APOBEC4: variants seen among roughly 807,000 people sequenced by gnomAD.
APOBEC4 encodes the protein putative deaminase APOBEC-4.
For synonymous variants in APOBEC4, 141 were observed against 154.2 expected, an observed-to-expected ratio of 0.91 and a Z score of 0.63; for missense variants, 375 against 441.2, an observed-to-expected ratio of 0.85 and a Z score of 1.34.
In APOBEC4 at chr1:183,648,228, A is replaced by G. The variant is rs1650452215; in HGVS notation, c.554T>C (p.Val185Ala). 6.2e-7 allele frequency: 1 copy of G among 1,614,218 alleles called. No homozygotes were observed. The highest frequency in any genetic ancestry group is 8.5e-7 in the Non-Finnish European group (1 of 1,180,026). ...RSLASLWPRV[V>A]LSPISGGIWH... ...GATCCCACCACTTATTGGACTCAAA[A>G]CAACCCGCGGCCATAAGCTGGCCAG... Residue 185 changes from valine to alanine, a missense_variant, in exon 2 of 2, where the codon GTT (valine) becomes GCT (alanine). By Grantham distance (64) the Val-to-Ala change is moderately conservative. Coordinates refer to ENST00000308641, the MANE Select transcript of APOBEC4 (RefSeq NM_203454.3).
Position 183,647,917 on chromosome 1 carries a change from C to T in APOBEC4, c.865G>A (p.Ala289Thr), listed in dbSNP as rs1206308615. ...GGCACTAGCACAAAAACAACAGGAG[C>T]CCTGAGGTCTGGAGGTAGGTTGGGT... ...LQPNLPPDLR[A>T]PVVFVLVPLR... Residue 289 changes from alanine (A) to threonine (T), a missense_variant, in exon 2 of 2, where the codon GCT becomes ACT. Ala to Thr is a moderately conservative substitution (Grantham distance 58). Coordinates refer to ENST00000308641, the MANE Select transcript of APOBEC4 (RefSeq NM_203454.3). The T allele has an allele frequency of 6.2e-7, 1 of 1,614,134 alleles. No homozygotes were observed. The highest frequency in any genetic ancestry group is 1.1e-5 in the South Asian group (1 of 91,082).
chr1:183,652,636 G>A (rs1399463099), intron 1 of APOBEC4, among the ~76,000 whole-genome samples: 2 of 152,190 alleles, frequency 1.3e-5, no homozygotes, highest in African/African-American at 2.4e-5. Context: ...TTTAGGCCCA[G>A]GACCTACCTT....
chr1:183,647,422 C>A lies in APOBEC4; in HGVS notation c.*256G>T. ...TTTTCTGCATCAAAATATTAGCAAGCTGCTAATGGTTCCATTTTGATACTG... is the reference window on the plus strand; with the variant it reads ...TTTTCTGCATCAAAATATTAGCAAGATGCTAATGGTTCCATTTTGATACTG... On this transcript the variant is annotated 3_prime_UTR_variant, in exon 2 of 2. Coordinates refer to ENST00000308641, the MANE Select transcript of APOBEC4 (RefSeq NM_203454.3). The A allele has an allele frequency of 3.0e-6, 1 of 330,776 alleles. No homozygotes were observed. The allele number at this position is 330,776 out of a possible 1,614,324, so 20.5% of individuals were successfully genotyped here. A position where few individuals can be genotyped will look rare whatever the true frequency, so the allele number is the denominator to read the frequency against.
Position 183,648,441 on chromosome 1 carries a change from C to T in APOBEC4, c.341G>A (p.Ser114Asn). 6.2e-7 allele frequency: 1 copy of T among 1,614,158 alleles called. No homozygotes were observed. The highest frequency in any genetic ancestry group is 1.3e-5 in the African/African-American group (1 of 75,032). ...YLDSAIYNND[S>N]IRHIILYSNN... ...GGAATACAGAATGATATGCCTGATGCTGTCATTATTGTATATGGCTGAGTC... is the reference window on the plus strand; with the variant it reads ...GGAATACAGAATGATATGCCTGATGTTGTCATTATTGTATATGGCTGAGTC... Residue 114 changes from serine (S) to asparagine (N), a missense_variant, in exon 2 of 2, where the codon AGC (serine) becomes AAC (asparagine). Transcript: ENST00000308641.
intron 1 of APOBEC4, among the ~76,000 whole-genome samples, chr1:183,650,415 C>G (rs763402310): frequency 1.3e-5 from 2 of 151,974 alleles, no homozygotes; most frequent in African/African-American, 4.8e-5. Context: ...TGGTGGCATG[C>G]GCCTGTAGTC....
intron 1 of APOBEC4, among the ~76,000 whole-genome samples, chr1:183,651,849 C>T (rs1430790776): frequency 1.3e-5 from 2 of 152,200 alleles, no homozygotes; most frequent in African/African-American, 2.4e-5. Context: ...TGCTTACTCC[C>T]GAGCATTGTT....
chr1:183,647,223 C>T lies in APOBEC4; in HGVS notation c.*455G>A, dbSNP rs532284107. The T allele has an allele frequency of 6.5e-5, 10 of 153,750 alleles. No individual in the cohort carries two copies. Among genetic ancestry groups the T allele is most frequent in the Non-Finnish European group, 1.3e-4 (9 of 69,006 alleles). 9.5% of individuals were successfully genotyped at this position (153,750 alleles called of 1,614,324 possible). ...CCTAAAATCTTCTGTCCATGATTAA[C>T]AATTAATAGAAAATCACTGGTTTGC... On this transcript the variant is annotated 3_prime_UTR_variant, in exon 2 of 2. Transcript: ENST00000308641.
chr1:183,650,811 A>C (rs1650692687), intron 1 of APOBEC4, among the ~76,000 whole-genome samples: 1 of 151,230 alleles, frequency 6.6e-6, no homozygotes, highest in Non-Finnish European at 1.5e-5. Flanking sequence ...ACATTCTCTT[A>C]CAATGTTGTT....
Position 183,648,587 on chromosome 1 carries a change from G to A in APOBEC4, c.195C>T (p.His65=), listed in dbSNP as rs202076412. The A allele has an allele frequency of 1.0e-4, 166 of 1,614,036 alleles. No homozygotes were observed. The highest frequency in any genetic ancestry group is 2.8e-4 in the Admixed American group (17 of 60,004). Residue 65 remains histidine, a synonymous_variant, in exon 2 of 2, where the codon CAC becomes CAT. Coordinates refer to ENST00000308641, the MANE Select transcript of APOBEC4 (RefSeq NM_203454.3). ...PYGTTFPQTK[H]LTFYELKTSS... is the part of the protein sequence containing the mutation. ...AAGTTTTTAGTTCATAAAATGTGAGGTGTTTTGTTTGAGGAAATGTTGTCC... is the reference window on the plus strand; with the variant it reads ...AAGTTTTTAGTTCATAAAATGTGAGATGTTTTGTTTGAGGAAATGTTGTCC...
At position 183,651,041 on chromosome 1, in the gene APOBEC4, T is replaced by G. The variant is rs111260519; in HGVS notation, c.-31+2031A>C. Among the ~76,000 whole-genome samples, 245 of 152,332 alleles carry G rather than the reference T, an allele frequency of 1.6e-3. 1 individual carries two copies. Among genetic ancestry groups the G allele is most frequent in the Non-Finnish European group, 2.2e-3 (149 of 68,038 alleles). On this transcript the variant is annotated intron_variant, in intron 1 of 1. Transcript: ENST00000308641. Reference sequence around the variant, plus strand: ...TCAAGAATATTAAATCTGCCACATTTGCTGCTAATATTTTACCTGGTTTAT... The same window carrying G: ...TCAAGAATATTAAATCTGCCACATTGGCTGCTAATATTTTACCTGGTTTAT...
Position 183,646,851 on chromosome 1 carries a change from T to A in APOBEC4, c.*827A>T, listed in dbSNP as rs2101987480. ...GCCTTGCTACTCACATTTTGCTGGG[T>A]AATGTGCTAGATCCTAAGGGAAAAG... is the stretch of plus-strand genomic sequence containing the variant. On this transcript the variant is annotated 3_prime_UTR_variant, in exon 2 of 2. Transcript: ENST00000308641. 6.6e-6 allele frequency: 1 copy of A among 152,252 alleles called. No homozygotes were observed. The highest frequency in any genetic ancestry group is 2.1e-4 in the South Asian group (1 of 4,820). The allele number at this position is 152,252 out of a possible 1,614,324, so 9.4% of individuals were successfully genotyped here. A position where few individuals can be genotyped will look rare whatever the true frequency, so the allele number is the denominator to read the frequency against.
In APOBEC4 at chr1:183,653,289, A is replaced by AG. The variant is rs1650903361; in HGVS notation, c.-249dup. On this transcript the variant is annotated 5_prime_UTR_variant, in exon 1 of 2. Coordinates refer to ENST00000308641, the MANE Select transcript of APOBEC4 (RefSeq NM_203454.3). The stretch of plus-strand genomic sequence containing the variant: ...GTTCCAAGTTAGAAAGCCCTTGCTG[A>AG]GGTGTGGCTACCTCTAAGAACACTG... 1 of 152,222 alleles carries AG rather than the reference A, an allele frequency of 6.6e-6. No individual in the cohort carries two copies. Among genetic ancestry groups the AG allele is most frequent in the Non-Finnish European group, 1.5e-5 (1 of 68,048 alleles). 9.4% of individuals were successfully genotyped at this position (152,222 alleles called of 1,614,324 possible).
rs141508478 is a variant in APOBEC4, at chr1:183,650,254, T to TTCTTTAAAAAAA, written c.-30-1444_-30-1443insTTTTTTTAAAGA. ...GAGCATTTTCCCATGTTATTAAAAA[T>TTCTTTAAAAAAA]AATATTCGGCCAGGCGTGGTGGCTC... is the stretch of plus-strand genomic sequence containing the variant. On this transcript the variant is annotated intron_variant, in intron 1 of 1. Coordinates refer to ENST00000308641, the MANE Select transcript of APOBEC4 (RefSeq NM_203454.3). 5.4e-3 allele frequency among the ~76,000 whole-genome samples: 819 copies of TTCTTTAAAAAAA among 152,216 alleles called. 9 individuals are homozygous for TTCTTTAAAAAAA. Among genetic ancestry groups the TTCTTTAAAAAAA allele is most frequent in the African/African-American group, 0.019 (793 of 41,506 alleles).
intron 1 of APOBEC4, among the ~76,000 whole-genome samples, chr1:183,650,021 C>T (rs1483756396): frequency 6.6e-6 from 1 of 152,062 alleles, no homozygotes; most frequent in East Asian, 1.9e-4. Flanking sequence ...CTATGTTGCC[C>T]ACACTGATCT....
In APOBEC4 at chr1:183,647,514, G is replaced by A. The variant is rs895151698; in HGVS notation, c.*164C>T. 2 of 1,149,498 alleles carry A rather than the reference G, an allele frequency of 1.7e-6. No individual in the cohort carries two copies. The highest frequency in any genetic ancestry group is 2.3e-6 in the Non-Finnish European group (2 of 861,990). 71.2% of individuals were successfully genotyped at this position (1,149,498 alleles called of 1,614,324 possible). Reference sequence around the variant, plus strand: ...AACATTTTGGATTATGTTTAAAATAGTGTAACTTTATAATAGTTGATATGG... The same window carrying A: ...AACATTTTGGATTATGTTTAAAATAATGTAACTTTATAATAGTTGATATGG... On this transcript the variant is annotated 3_prime_UTR_variant, in exon 2 of 2. Transcript: ENST00000308641.
At chr1:183,651,981 C>T (rs1650790408) in intron 1 of APOBEC4, among the ~76,000 whole-genome samples, 1 of 152,204 alleles carries the variant, frequency 6.6e-6, no homozygotes, top group South Asian at 2.1e-4. Flanking sequence ...ATGTGGTCGA[C>T]TTATGGGTGG....
In APOBEC4 at chr1:183,648,783, G is replaced by A. The variant is rs1388106784; in HGVS notation, c.-2C>T. 1 of 1,580,948 alleles carries A rather than the reference G, an allele frequency of 6.3e-7. No homozygotes were observed. On this transcript the variant is annotated 5_prime_UTR_variant, in exon 2 of 2. Transcript: ENST00000308641. ...GTACTCCTCATATATGGGCTCCATTGCTAGATTTACTGTCTTCTAGCTGCA... is the reference window on the plus strand; with the variant it reads ...GTACTCCTCATATATGGGCTCCATTACTAGATTTACTGTCTTCTAGCTGCA...
intron 1 of APOBEC4, among the ~76,000 whole-genome samples, chr1:183,649,203 C>T (rs1650537914): frequency 6.6e-6 from 1 of 152,144 alleles, no homozygotes; most frequent in Admixed American, 6.5e-5. Context: ...ATAGTACTTA[C>T]CTGATAAGAT....
Sources: allele counts gnomAD v4.1 joint callset (sites outside exome capture counted in the v4.1 genomes callset), GRCh38; gene constraint gnomAD v4.1.1; transcripts MANE v1.5; gene names NCBI Gene and HGNC (gene_info 2026-07-23, HGNC 2026-07-21).